The following PCNX2 variants were observed in gnomAD, a reference collection of about 807,000 sequenced individuals.
The protein encoded by PCNX2 is pecanex 2, also known as pecanex-like protein 2.
In PCNX2, 168 loss-of-function variants were observed where a neutral mutation model predicts 223.8. The observed-to-expected ratio is 0.75, with a 90% CI of 0.66 to 0.85. PCNX2 has a LOEUF of 0.85. Among genes scored for constraint, PCNX2 ranks in the 40% least tolerant of loss-of-function variants. The probability of loss-of-function intolerance (pLI) is 0.00; values close to 1 mark genes in which losing one functional copy is unlikely to be tolerated. For missense variants in PCNX2, 2,507 were observed against 2,675.5 expected (o/e 0.94, Z 1.39); for synonymous variants, 1,006 against 1,052.6 (o/e 0.96, Z 0.86).
At chr1:233,002,780 C>T (rs1670134575) in intron 28 of PCNX2, among the ~76,000 whole-genome samples, 1 of 152,190 alleles carries the variant, frequency 6.6e-6, no homozygotes, top group African/African-American at 2.4e-5. Flanking sequence ...GTAACCAAAA[C>T]AGCATGGTAC....
intron 19 of PCNX2, among the ~76,000 whole-genome samples, chr1:233,156,849 C>A (rs370658282): frequency 6.6e-6 from 1 of 152,054 alleles, no homozygotes; most frequent in Admixed American, 6.6e-5. Flanking sequence ...ACCCAGGAGG[C>A]AGAGGTTGCA....
At chr1:233,323,131 T>TC in the PCNX2 span, among the ~76,000 whole-genome samples, 24 of 152,334 alleles carry the variant, frequency 1.6e-4, no homozygotes, top group South Asian at 5.0e-3. Flanking sequence ...GCACCAGAAC[T>TC]CATTTGGCAT....
chr1:233,015,878 A>C (rs1373014344), intron 27 of PCNX2, among the ~76,000 whole-genome samples: 1 of 151,962 alleles, frequency 6.6e-6, no homozygotes, highest in Non-Finnish European at 1.5e-5. Context: ...TTCTTAAAAA[A>C]AGTTGTCCAA....
chr1:233,032,978 T>A, intron 25 of PCNX2: 1 of 985,210 alleles, frequency 1.0e-6, no homozygotes, highest in Non-Finnish European at 1.2e-6. Flanking sequence ...AATTGCGTTG[T>A]CCAAATGTAA....
rs897240166 is a variant in PCNX2, at chr1:233,194,952, G to A, written c.3066+3987C>T. 4.0e-5 allele frequency among the ~76,000 whole-genome samples: 6 copies of A among 150,626 alleles called. No homozygotes were observed. The South Asian group carries it at 6.3e-4, about 16-fold the overall frequency. ...GAATGGCGTGAACCCAGGAGGTGGA[G>A]CTTGCAGTGAGCCAAGATCACGCTG... On this transcript the variant is annotated intron_variant, in intron 15 of 33. Transcript: ENST00000258229.
intron 25 of PCNX2, among the ~76,000 whole-genome samples, chr1:233,052,830 G>A (rs192279381): frequency 6.6e-6 from 1 of 152,010 alleles, no homozygotes; most frequent in Non-Finnish European, 1.5e-5. Context: ...AGTCCTTCCA[G>A]GCTTCCCTGT....
chr1:233,017,604 C>T (rs993265620), intron 26 of PCNX2, among the ~76,000 whole-genome samples: 3 of 151,878 alleles, frequency 2.0e-5, no homozygotes, highest in African/African-American at 7.3e-5. Flanking sequence ...GCATGAGCCA[C>T]CATGCCTGGC....
chr1:233,017,401 T>C (rs1670716606), intron 26 of PCNX2, among the ~76,000 whole-genome samples: 1 of 140,922 alleles, frequency 7.1e-6, no homozygotes, highest in African/African-American at 2.7e-5. Flanking sequence ...CACTGCAAGC[T>C]CCGCCTCCCA....
At chr1:233,217,723 G>A (rs1657063648) in intron 12 of PCNX2, among the ~76,000 whole-genome samples, 176 bp downstream of exon 12, 1 of 152,022 alleles carries the variant, frequency 6.6e-6, no homozygotes, top group Non-Finnish European at 1.5e-5. Context: ...CATGCTCTCA[G>A]ACTTAGCTGG....
chr1:233,025,218 G>A lies in PCNX2; in HGVS notation c.4533C>T (p.Ile1511=), dbSNP rs761880270. 2.0e-5 allele frequency: 33 copies of A among 1,613,928 alleles called. No individual in the cohort carries two copies. The South Asian group carries it at 2.4e-4, about 12-fold the overall frequency. Residue 1511 remains isoleucine (I), a synonymous_variant, in exon 26 of 34, where the codon ATC becomes ATT. Transcript: ENST00000258229. ...GCATGGTGGCCGCGTTGTTGTCCAG[G>A]ATGCTGTAGCCCTCCAGGATGTACT... The part of the protein sequence containing the change: ...QTQYILEGYS[I]LDNNAATMLQ...
intron 28 of PCNX2, among the ~76,000 whole-genome samples, chr1:233,012,155 A>T (rs1670491457): frequency 6.6e-6 from 1 of 152,154 alleles, no homozygotes; most frequent in Non-Finnish European, 1.5e-5. Context: ...GAGAGGAAAA[A>T]CATGGTTTGA....
intron 17 of PCNX2, among the ~76,000 whole-genome samples, chr1:233,171,017 AG>A (rs1679120798): frequency 2.0e-5 from 3 of 152,316 alleles, no homozygotes; most frequent in Admixed American, 2.0e-4. Flanking sequence ...GAAGCATTTC[AG>A]GTTTTGGATT....
chr1:233,120,808 A>G (rs1349613928), intron 21 of PCNX2, among the ~76,000 whole-genome samples: 1 of 152,210 alleles, frequency 6.6e-6, no homozygotes, highest in African/African-American at 2.4e-5. Flanking sequence ...AGATACACAA[A>G]TTAAGAAACA....
At chr1:233,136,860 G>C (rs1676834487) in intron 20 of PCNX2, among the ~76,000 whole-genome samples, 1 of 152,196 alleles carries the variant, frequency 6.6e-6, no homozygotes, top group Non-Finnish European at 1.5e-5. Flanking sequence ...TTTCAGGGGA[G>C]ACTGCTGATT....
chr1:232,996,243 C>T (rs1467298896), intron 32 of PCNX2, among the ~76,000 whole-genome samples: 2 of 152,142 alleles, frequency 1.3e-5, no homozygotes, highest in South Asian at 2.1e-4. Context: ...TGTCTCTGAC[C>T]CTGCCCACCC....
chr1:233,011,295 GAAT>G (rs1553272936), intron 28 of PCNX2, among the ~76,000 whole-genome samples: 6 of 152,060 alleles, frequency 3.9e-5, no homozygotes, highest in Non-Finnish European at 8.8e-5. Flanking sequence ...TAAAGAAGAA[GAAT>G]AATATCACCC....
At chr1:233,120,164 C>CAAAA (rs1228898502) in intron 21 of PCNX2, among the ~76,000 whole-genome samples, 492 of 42,566 alleles carry the variant, frequency 0.012, 5 homozygotes, top group Non-Finnish European at 0.017. Context: ...GACTCCATTT[C>CAAAA]AAAAAAAAAA....
intron 25 of PCNX2, among the ~76,000 whole-genome samples, chr1:233,048,784 TG>T (rs1461310241): frequency 6.6e-6 from 1 of 152,026 alleles, no homozygotes; most frequent in African/African-American, 2.4e-5. Flanking sequence ...AAAAGAGAGA[TG>T]ATCCAAATAA....
Position 233,200,211 on chromosome 1 carries a change from T to C in PCNX2, c.2917A>G (p.Asn973Asp). Residue 973 changes from asparagine to aspartate, a missense_variant, in exon 14 of 34, where the codon AAC becomes GAC. Asn to Asp is a conservative substitution (Grantham distance 23). Transcript: ENST00000258229. ...ISLLGLFPQI[N>D]TFCTYLLEQI... ...TCCAAAAGATAAGTGCAGAAAGTGTTGATTTGCGGGAAGAGCCCAAGGAGG... is the reference window on the plus strand; with the variant it reads ...TCCAAAAGATAAGTGCAGAAAGTGTCGATTTGCGGGAAGAGCCCAAGGAGG... 1 of 1,595,420 alleles carries C rather than the reference T, an allele frequency of 6.3e-7. No individual in the cohort carries two copies. The highest frequency in any genetic ancestry group is 1.1e-5 in the South Asian group (1 of 87,406).
Sources: allele counts gnomAD v4.1 joint callset (sites outside exome capture counted in the v4.1 genomes callset), GRCh38; gene constraint gnomAD v4.1.1; transcripts MANE v1.5; gene names NCBI Gene and HGNC (gene_info 2026-07-23, HGNC 2026-07-21).